The following ATP8B4 variants were observed in gnomAD, a reference collection of about 807,000 sequenced individuals.
ATP8B4 encodes probable phospholipid-transporting ATPase IM.
Under a neutral mutation model 145.6 loss-of-function variants are expected in ATP8B4, and 133 were observed. That is an observed-to-expected ratio of 0.91 (90% confidence interval 0.79 to 1.05). ATP8B4 has a LOEUF of 1.05. Ranked by LOEUF, ATP8B4 falls within the 50% of genes least tolerant of loss-of-function variation. The pLI is 0.00. For synonymous variants in ATP8B4, 507 were observed against 492.9 expected, an observed-to-expected ratio of 1.03 and a Z score of -0.38; for missense variants, 1,458 against 1,425.2, an observed-to-expected ratio of 1.02 and a Z score of -0.37.
chr15:49,862,463 T>C, intron 26 of ATP8B4, 88 bp from the exon 27 acceptor site: 1 of 1,432,096 alleles, frequency 7.0e-7, no homozygotes, highest in Non-Finnish European at 9.4e-7. Context: ...CAAGATCTTT[T>C]TTTTTTTTGA....
chr15:49,897,227 GT>G, intron 23 of ATP8B4, 64 bp downstream of exon 23: 1 of 1,429,880 alleles, frequency 7.0e-7, no homozygotes, highest in Non-Finnish European at 9.7e-7. Context: ...ATGAAGAAGA[GT>G]CATTTGTAAT....
At chr15:50,136,628 G>A (rs759365843) in intron 1 of ATP8B4, among the ~76,000 whole-genome samples, 14 of 152,332 alleles carry the variant, frequency 9.2e-5, no homozygotes, top group South Asian at 2.1e-4. Context: ...AAAGTGAACA[G>A]ATGTCCCATT....
At chr15:50,159,488 T>C (rs997495992) in intron 1 of ATP8B4, among the ~76,000 whole-genome samples, 6 of 152,216 alleles carry the variant, frequency 3.9e-5, no homozygotes, top group African/African-American at 1.4e-4. Context: ...TATTTCTTTC[T>C]CTTGTCTGGT....
intron 6 of ATP8B4, among the ~76,000 whole-genome samples, chr15:50,023,029 A>C (rs943047707): frequency 2.0e-5 from 3 of 152,170 alleles, no homozygotes; most frequent in Admixed American, 6.5e-5. Context: ...TTTCTGCCAG[A>C]AAGTTGCCCT....
intron 1 of ATP8B4, among the ~76,000 whole-genome samples, chr15:50,137,550 A>G (rs1055953576): frequency 6.6e-6 from 1 of 152,234 alleles, no homozygotes; most frequent in Non-Finnish European, 1.5e-5. Flanking sequence ...GAAGTGTCTC[A>G]GAGTGAATGT....
intron 27 of ATP8B4, 30 bp downstream of exon 27, chr15:49,862,215 C>T (rs1269419578): frequency 1.2e-6 from 2 of 1,600,720 alleles, no homozygotes; most frequent in Non-Finnish European, 1.7e-6. Context: ...AAAAACCAGC[C>T]TTCAAGTATT....
chr15:49,979,472 A>T, intron 12 of ATP8B4, 145 bp downstream of exon 12: 2 of 573,862 alleles, frequency 3.5e-6, no homozygotes, highest in East Asian at 2.9e-5. Flanking sequence ...TAAACAGCTA[A>T]GCTGTCCCAT....
At chr15:49,982,632 G>C (rs1170738213) in intron 10 of ATP8B4, 2 of 152,082 alleles carry the variant, frequency 1.3e-5, no homozygotes, top group Admixed American at 1.3e-4. Flanking sequence ...GAAAAGACCA[G>C]TTAGGTGCTG....
At chr15:49,894,171 T>C (rs906778686) in intron 23 of ATP8B4, among the ~76,000 whole-genome samples, 1 of 152,178 alleles carries the variant, frequency 6.6e-6, no homozygotes, top group Non-Finnish European at 1.5e-5. Context: ...CTAATAAAAT[T>C]TGTCAGATCA....
intron 10 of ATP8B4, among the ~76,000 whole-genome samples, chr15:49,985,876 A>G (rs1209004302): frequency 6.6e-6 from 1 of 152,120 alleles, no homozygotes; most frequent in East Asian, 1.9e-4. Context: ...TATTATCCCC[A>G]TGTTACAGCA....
At chr15:49,930,954 A>G (rs1599223736) in intron 16 of ATP8B4, among the ~76,000 whole-genome samples, 165 bp downstream of exon 16, 1 of 152,184 alleles carries the variant, frequency 6.6e-6, no homozygotes, top group South Asian at 2.1e-4. Flanking sequence ...TGTTAGTTAT[A>G]TATCACTGCA....
intron 1 of ATP8B4, among the ~76,000 whole-genome samples, chr15:50,174,173 C>A (rs1257656230): frequency 6.6e-6 from 1 of 152,046 alleles, no homozygotes; most frequent in Admixed American, 6.6e-5. Flanking sequence ...TATGACAAAC[C>A]CACAGCCAGC....
intron 3 of ATP8B4, among the ~76,000 whole-genome samples, chr15:50,056,703 A>C (rs201938201): frequency 7.3e-6 from 1 of 137,554 alleles, no homozygotes; most frequent in African/African-American, 2.9e-5. Context: ...GTATATGTGT[A>C]TATATATATA....
intron 4 of ATP8B4, among the ~76,000 whole-genome samples, chr15:50,045,731 T>C (rs1487268322): frequency 6.6e-6 from 1 of 152,190 alleles, no homozygotes; most frequent in Non-Finnish European, 1.5e-5. Context: ...TCTCTCTGGG[T>C]CTAATTTCTT....
At chr15:50,043,434 T>C (rs1037256360) in intron 5 of ATP8B4, among the ~76,000 whole-genome samples, 3 of 152,144 alleles carry the variant, frequency 2.0e-5, no homozygotes, top group Admixed American at 6.5e-5. Flanking sequence ...AAAGGCTATA[T>C]TGAGTGTGCT....
intron 13 of ATP8B4, among the ~76,000 whole-genome samples, chr15:49,969,952 G>A (rs539874720): frequency 1.2e-4 from 19 of 152,316 alleles, no homozygotes; most frequent in Admixed American, 1.3e-4. Flanking sequence ...TCCCTGGGAT[G>A]TAAGGTGGTT....
intron 16 of ATP8B4, among the ~76,000 whole-genome samples, chr15:49,929,284 T>C (rs1324400657): frequency 6.6e-6 from 1 of 152,148 alleles, no homozygotes; most frequent in African/African-American, 2.4e-5. Flanking sequence ...CTTAAAATCT[T>C]TGCATTTAGT....
At chr15:50,021,502 C>T (rs1323991850) in intron 6 of ATP8B4, among the ~76,000 whole-genome samples, 2 of 152,100 alleles carry the variant, frequency 1.3e-5, no homozygotes, top group Non-Finnish European at 2.9e-5. Context: ...TTCATTTCCA[C>T]CTTGGAGCTT....
chr15:50,132,673 C>A (rs1456952721), intron 1 of ATP8B4, among the ~76,000 whole-genome samples: 1 of 152,148 alleles, frequency 6.6e-6, no homozygotes, highest in Non-Finnish European at 1.5e-5. Flanking sequence ...ATGTTTACTG[C>A]AGCACTATTC....
Sources: allele counts gnomAD v4.1 joint callset (sites outside exome capture counted in the v4.1 genomes callset), GRCh38; gene constraint gnomAD v4.1.1; transcripts MANE v1.5; gene names NCBI Gene and HGNC (gene_info 2026-07-23, HGNC 2026-07-21).